KCTD18: variants seen among roughly 807,000 people sequenced by gnomAD.
The protein encoded by KCTD18 is BTB/POZ domain-containing protein KCTD18.
A neutral mutation model predicts 30.4 loss-of-function variants in KCTD18; 22 were observed. That is an observed-to-expected ratio of 0.72 (90% confidence interval 0.52 to 1.03). The LOEUF is 1.03. Ranked by LOEUF, KCTD18 falls within the 50% of genes least tolerant of loss-of-function variation. KCTD18 has a pLI of 0.00. For missense variants in KCTD18, 529 were observed against 547.6 expected, an observed-to-expected ratio of 0.97 and a Z score of 0.34; for synonymous variants, 186 against 209.0, an observed-to-expected ratio of 0.89 and a Z score of 0.95.
intron 3 of KCTD18, among the ~76,000 whole-genome samples, chr2:200,501,815 C>T (rs2088089636): frequency 6.6e-6 from 1 of 151,552 alleles, no homozygotes; most frequent in Non-Finnish European, 1.5e-5. Flanking sequence ...ATAAATCATG[C>T]TGCTATAAAG....
At position 200,490,575 on chromosome 2, in the gene KCTD18, T is replaced by C. The variant is rs765680919; in HGVS notation, c.806A>G (p.Tyr269Cys). The stretch of plus-strand genomic sequence containing the variant: ...TCTAACTGGCTTAGGACCAGTCTTA[T>C]AGTTCACACTTTCGTCCGCTTCATT... ...TFNEADESVN[Y>C]KTGPKPVRFL... The change falls in exon 7 of 7, where the codon TAT (tyrosine) becomes TGT (cysteine). Residue 269 changes from tyrosine (Y) to cysteine (C), a missense_variant. Physicochemically the swap from Tyr to Cys is radical, Grantham distance 194. Transcript: ENST00000359878. 2.6e-5 allele frequency: 42 copies of C among 1,599,552 alleles called. No homozygotes were observed. Among genetic ancestry groups the C allele is most frequent in the Admixed American group, 8.4e-5 (5 of 59,870 alleles).
At chr2:200,490,637 C>A in intron 6 of KCTD18, 21 bp from the exon 7 acceptor site, 1 of 1,555,038 alleles carries the variant, frequency 6.4e-7, no homozygotes, top group South Asian at 1.2e-5. Flanking sequence ...AGAAGCGTGT[C>A]ATTTTCCACA....
At chr2:200,505,289 G>T (rs2106284673) in intron 2 of KCTD18, among the ~76,000 whole-genome samples, 1 of 152,320 alleles carries the variant, frequency 6.6e-6, no homozygotes, top group South Asian at 2.1e-4. Flanking sequence ...TGCCATGTTT[G>T]GTTGTACTGG....
intron 2 of KCTD18, among the ~76,000 whole-genome samples, 161 bp downstream of exon 2, chr2:200,506,696 T>G (rs1381060799): frequency 6.6e-6 from 1 of 152,252 alleles, no homozygotes; most frequent in Non-Finnish European, 1.5e-5. Context: ...AGAAGTAGTA[T>G]TTAATTTCTC....
chr2:200,498,013 T>C (rs571838852), intron 4 of KCTD18, among the ~76,000 whole-genome samples, 166 bp from the exon 5 acceptor site: 1 of 152,334 alleles, frequency 6.6e-6, no homozygotes, highest in African/African-American at 2.4e-5. Context: ...CTTACACAGA[T>C]ACATATGTAC....
chr2:200,503,548 C>A (rs2029987268), intron 3 of KCTD18, among the ~76,000 whole-genome samples: 1 of 152,162 alleles, frequency 6.6e-6, no homozygotes, highest in African/African-American at 2.4e-5. Context: ...GATTACAGAG[C>A]TGAGACTTCT....
At position 200,498,873 on chromosome 2, in the gene KCTD18, A is replaced by C; in HGVS notation, c.566+18T>G. On this transcript the variant is annotated intron_variant, in intron 4 of 6. Transcript: ENST00000359878. The stretch of plus-strand genomic sequence containing the variant: ...AAGACTTTATTTTGTTCTTTTTCAC[A>C]TTTAAATTTGGACATACCTTTTAAA... 1 of 1,607,220 alleles carries C rather than the reference A, an allele frequency of 6.2e-7. No individual in the cohort carries two copies. Among genetic ancestry groups the C allele is most frequent in the South Asian group, 1.1e-5 (1 of 90,698 alleles).
intron 1 of KCTD18, among the ~76,000 whole-genome samples, chr2:200,509,279 C>T (rs960620683): frequency 6.6e-6 from 1 of 152,082 alleles, no homozygotes; most frequent in Non-Finnish European, 1.5e-5. Flanking sequence ...CAATCCAGAA[C>T]GGCAGGACGA....
At position 200,504,964 on chromosome 2, in the gene KCTD18, A is replaced by G; in HGVS notation, c.161-5T>C. On this transcript the variant is annotated splice_region_variant and splice_polypyrimidine_tract_variant and intron_variant, in intron 2 of 6. Coordinates refer to ENST00000359878, the MANE Select transcript of KCTD18 (RefSeq NM_152387.4). The stretch of plus-strand genomic sequence containing the variant: ...CACGGTCAATAACACAAGCCCCTAG[A>G]AAACATTCAGTTCAAAAATGATTAT... The G allele has an allele frequency of 6.2e-7, 1 of 1,609,880 alleles. No homozygotes were observed. The highest frequency in any genetic ancestry group is 8.5e-7 in the Non-Finnish European group (1 of 1,176,604).
Position 200,490,555 on chromosome 2 carries a change from C to T in KCTD18, c.826G>A (p.Val276Ile). 1 of 1,601,860 alleles carries T rather than the reference C, an allele frequency of 6.2e-7. No homozygotes were observed. The highest frequency in any genetic ancestry group is 1.1e-5 in the South Asian group (1 of 91,074). ...SVNYKTGPKP[V>I]RFLGPSTSTQ... ...CTTGTGGAAGGGCCCAAAAATCTAACTGGCTTAGGACCAGTCTTATAGTTC... is the reference window on the plus strand; with the variant it reads ...CTTGTGGAAGGGCCCAAAAATCTAATTGGCTTAGGACCAGTCTTATAGTTC... The change falls in exon 7 of 7, where the codon GTT becomes ATT. Residue 276 changes from valine (V) to isoleucine (I), a missense_variant. Transcript: ENST00000359878.
At chr2:200,500,068 C>T (rs1190032322) in intron 3 of KCTD18, among the ~76,000 whole-genome samples, 4 of 151,726 alleles carry the variant, frequency 2.6e-5, no homozygotes, top group African/African-American at 7.2e-5. Flanking sequence ...AGGCCTTTGA[C>T]AAAATTCAAC....
At chr2:200,504,210 G>A (rs1043626975) in intron 3 of KCTD18, among the ~76,000 whole-genome samples, 3 of 152,174 alleles carry the variant, frequency 2.0e-5, no homozygotes, top group African/African-American at 7.2e-5. Context: ...TGTAATCCCA[G>A]CACTTTGGGA....
rs866190955 is a variant in KCTD18 at position 200,490,496 on chromosome 2, G to A, written c.885C>T (p.Val295=). ...TQIKVKNSAS[V]TVSPASAIQT... Reference sequence around the variant, plus strand: ...GGATGGCACTGGCTGGAGACACCGTGACTGAGGCCGAGTTCTTGACTTTAA... The same window carrying A: ...GGATGGCACTGGCTGGAGACACCGTAACTGAGGCCGAGTTCTTGACTTTAA... Residue 295 remains valine, a synonymous_variant, in exon 7 of 7, where the codon GTC becomes GTT. Transcript: ENST00000359878. The A allele has an allele frequency of 9.9e-6, 16 of 1,610,822 alleles. No homozygotes were observed. In the Middle Eastern group the frequency reaches 2.6e-3, roughly 266 times the overall value.
chr2:200,492,523 A>C (rs2087934866), intron 6 of KCTD18, among the ~76,000 whole-genome samples: 1 of 152,270 alleles, frequency 6.6e-6, no homozygotes, highest in South Asian at 2.1e-4. Flanking sequence ...TTTCAGTGAA[A>C]GACCCAGAGG....
intron 3 of KCTD18, among the ~76,000 whole-genome samples, chr2:200,501,073 G>A (rs1341768655): frequency 3.3e-5 from 5 of 152,032 alleles, no homozygotes; most frequent in African/African-American, 4.8e-5. Context: ...GGGAAAACTG[G>A]CTAGCCATAT....
At chr2:200,508,695 G>T (rs572400248) in intron 1 of KCTD18, among the ~76,000 whole-genome samples, 1 of 152,124 alleles carries the variant, frequency 6.6e-6, no homozygotes, top group African/African-American at 2.4e-5. Flanking sequence ...TGTAGAATAC[G>T]GTCAGCAACA....
rs1159783240 is a variant in KCTD18, at chr2:200,489,720, A to AATAC, written c.*376_*379dup. On this transcript the variant is annotated 3_prime_UTR_variant, in exon 7 of 7. Transcript: ENST00000359878. ...CACCCCCTCCATTTTCCCAGACAGG[A>AATAC]ATACCTAAGGCCAAACCTCATGCCC... The AATAC allele has an allele frequency of 1.1e-5, 2 of 181,144 alleles. No individual in the cohort carries two copies. Among genetic ancestry groups the AATAC allele is most frequent in the African/African-American group, 2.4e-5 (1 of 42,440 alleles). 11.2% of individuals were successfully genotyped at this position (181,144 alleles called of 1,614,324 possible).
At chr2:200,492,796 A>G (rs931959307) in intron 6 of KCTD18, among the ~76,000 whole-genome samples, 4 of 151,920 alleles carry the variant, frequency 2.6e-5, no homozygotes, top group African/African-American at 4.8e-5. Context: ...ACTCAGAATA[A>G]GCCACAAGAA....
chr2:200,502,457 A>G (rs1450401410), intron 3 of KCTD18, among the ~76,000 whole-genome samples: 1 of 152,282 alleles, frequency 6.6e-6, no homozygotes, highest in East Asian at 1.9e-4. Context: ...TTTTAGCTCC[A>G]AATTCTAATC....
Sources: gnomAD v4.1 joint callset for allele counts (sites outside exome capture counted in the v4.1 genomes callset) on GRCh38, gnomAD v4.1.1 for gene constraint, MANE v1.5 for transcripts, NCBI Gene and HGNC (gene_info 2026-07-23, HGNC 2026-07-21) for gene names.